Variants in LRBA observed in about 807,000 individuals in gnomAD.
The protein encoded by LRBA is lipopolysaccharide-responsive and beige-like anchor protein.
In LRBA, 176 loss-of-function variants were observed where a neutral mutation model predicts 330.0. The ratio of observed to expected loss-of-function variants is 0.53; its 90% CI spans 0.47 to 0.60. The LOEUF is 0.60. LRBA is among the 20% of genes least tolerant of loss of function. The probability of loss-of-function intolerance (pLI) is 0.00; values close to 1 mark genes in which losing one functional copy is unlikely to be tolerated. For missense variants in LRBA, 3,259 were observed against 3,444.8 expected, an observed-to-expected ratio of 0.95 and a Z score of 1.35; for synonymous variants, 1,230 against 1,193.0, an observed-to-expected ratio of 1.03 and a Z score of -0.64.
intron 35 of LRBA, among the ~76,000 whole-genome samples, chr4:150,749,243 A>T (rs1288513055): frequency 6.6e-6 from 1 of 152,078 alleles, no homozygotes. Context: ...CGCAGGCAAT[A>T]ACAGAAAAAA....
At chr4:150,646,142 G>C (rs1297291898) in intron 37 of LRBA, among the ~76,000 whole-genome samples, 1 of 151,758 alleles carries the variant, frequency 6.6e-6, no homozygotes, top group Non-Finnish European at 1.5e-5. Context: ...CTCTAGACCA[G>C]GCAAAGCAGA....
intron 41 of LRBA, among the ~76,000 whole-genome samples, chr4:150,489,018 A>G (rs1758265551): frequency 8.5e-6 from 1 of 117,680 alleles, no homozygotes; most frequent in African/African-American, 3.4e-5. Context: ...AATATATTAT[A>G]TATAAGAATA....
At chr4:150,751,777 A>G (rs1056131064) in intron 35 of LRBA, among the ~76,000 whole-genome samples, 9 of 152,160 alleles carry the variant, frequency 5.9e-5, no homozygotes. Flanking sequence ...CAAGTAACCA[A>G]CTAGAAAAGA....
intron 56 of LRBA, among the ~76,000 whole-genome samples, chr4:150,272,666 A>G (rs1383170233): frequency 1.3e-5 from 2 of 151,926 alleles, no homozygotes; most frequent in Non-Finnish European, 2.9e-5. Context: ...TTCATGAAGC[A>G]TACACAAGTA....
At chr4:150,629,230 A>G (rs1041089154) in intron 37 of LRBA, among the ~76,000 whole-genome samples, 1 of 152,220 alleles carries the variant, frequency 6.6e-6, no homozygotes, top group Non-Finnish European at 1.5e-5. Context: ...GGGTTAAGGA[A>G]GTAAAGGAAA....
chr4:150,867,643 T>A, intron 22 of LRBA, 28 bp downstream of exon 22: 1 of 1,554,836 alleles, frequency 6.4e-7, no homozygotes, highest in Non-Finnish European at 8.7e-7. Context: ...TTTAAAATGC[T>A]ACAATACGCT....
chr4:150,575,761 T>A (rs745467780), intron 40 of LRBA, among the ~76,000 whole-genome samples: 2 of 151,948 alleles, frequency 1.3e-5, no homozygotes, highest in Admixed American at 1.3e-4. Flanking sequence ...ATGGATTTAA[T>A]ATCCTAAGAA....
rs1358372265 is a variant in LRBA at position 150,436,710 on chromosome 4, C to G, written c.6921+14G>C. On this transcript the variant is annotated intron_variant, in intron 45 of 56. Coordinates refer to ENST00000651943, the MANE Select transcript of LRBA (RefSeq NM_001364905.1). ...ATTTATTTAGCCATGGTGTATTATT[C>G]AAATTGAACTTACTATTCTTAGCAG... 1.2e-6 allele frequency: 2 copies of G among 1,604,402 alleles called. No homozygotes were observed. Among genetic ancestry groups the G allele is most frequent in the Admixed American group, 3.4e-5 (2 of 59,086 alleles).
At chr4:150,447,070 G>C (rs1752702032) in intron 44 of LRBA, among the ~76,000 whole-genome samples, 1 of 152,026 alleles carries the variant, frequency 6.6e-6, no homozygotes, top group Non-Finnish European at 1.5e-5. Flanking sequence ...ACAGGGTTTT[G>C]GGCTGCCTCT....
intron 44 of LRBA, among the ~76,000 whole-genome samples, chr4:150,455,473 T>C (rs1417945003): frequency 6.6e-6 from 1 of 152,078 alleles, no homozygotes; most frequent in Non-Finnish European, 1.5e-5. Context: ...TGAGTTCATG[T>C]CCTTTGTAGG....
intron 26 of LRBA, among the ~76,000 whole-genome samples, chr4:150,847,455 T>C (rs186902822): frequency 6.6e-6 from 1 of 152,286 alleles, no homozygotes; most frequent in East Asian, 1.9e-4. Context: ...GCATTTTGAG[T>C]AAAAATTATA....
intron 4 of LRBA, 75 bp from the exon 5 acceptor site, chr4:150,921,368 T>C (rs1186026971): frequency 3.5e-6 from 3 of 856,576 alleles, no homozygotes; most frequent in African/African-American, 1.7e-5. Flanking sequence ...TAATATAGTC[T>C]TGCTGTAATA....
At chr4:150,474,256 T>C (rs1456570478) in intron 42 of LRBA, among the ~76,000 whole-genome samples, 1 of 152,192 alleles carries the variant, frequency 6.6e-6, no homozygotes, top group African/African-American at 2.4e-5. Flanking sequence ...TGTTGGCACC[T>C]TTGCTGCAAA....
chr4:150,423,456 C>T, intron 46 of LRBA: 2 of 587,074 alleles, frequency 3.4e-6, no homozygotes, highest in South Asian at 2.0e-5. Flanking sequence ...GCCAGCGGGC[C>T]CCATTTCTTC....
intron 28 of LRBA, among the ~76,000 whole-genome samples, chr4:150,837,673 G>A (rs1748353681): frequency 6.6e-6 from 1 of 151,964 alleles, no homozygotes; most frequent in Non-Finnish European, 1.5e-5. Flanking sequence ...TTTATTTTCA[G>A]CCTATGTGTG....
At chr4:150,963,467 A>G (rs541328831) in intron 2 of LRBA, among the ~76,000 whole-genome samples, 1 of 149,760 alleles carries the variant, frequency 6.7e-6, no homozygotes, top group African/African-American at 2.6e-5. Flanking sequence ...GATTGCAGAC[A>G]GAGTCTCGTT....
intron 48 of LRBA, among the ~76,000 whole-genome samples, chr4:150,346,667 G>A (rs911946970): frequency 1.4e-5 from 2 of 138,074 alleles, no homozygotes; most frequent in Non-Finnish European, 3.0e-5. Context: ...ACTGAGGCAG[G>A]AAAATCACTT....
intron 22 of LRBA, among the ~76,000 whole-genome samples, chr4:150,863,067 G>A (rs1483755087): frequency 2.0e-5 from 3 of 152,032 alleles, no homozygotes; most frequent in African/African-American, 7.2e-5. Context: ...AGAGGCCCAG[G>A]CGGGGGGCCA....
At chr4:150,663,908 C>T (rs555827248) in intron 37 of LRBA, among the ~76,000 whole-genome samples, 9 of 152,090 alleles carry the variant, frequency 5.9e-5, no homozygotes, top group African/African-American at 2.2e-4. Flanking sequence ...CGGAAGGATT[C>T]TGAAAGACAA....
Sources: allele counts gnomAD v4.1 joint callset (sites outside exome capture counted in the v4.1 genomes callset), GRCh38; gene constraint gnomAD v4.1.1; transcripts MANE v1.5; gene names NCBI Gene and HGNC (gene_info 2026-07-23, HGNC 2026-07-21).